Variants in TSC2 observed in about 807,000 individuals in gnomAD.
The protein encoded by TSC2 is tuberin.
TSC2 carries 29 observed loss-of-function variants against 202.2 expected under a neutral mutation model. That is an observed-to-expected ratio of 0.14 (90% CI 0.11 to 0.20). The LOEUF is 0.20. Among genes scored for constraint, TSC2 ranks in the 10% least tolerant of loss-of-function variants. TSC2 has a pLI of 1.00. For missense variants in TSC2, 2,429 were observed against 2,420.0 expected (o/e 1.00, Z -0.08); for synonymous variants, 1,349 against 1,044.0 (o/e 1.29, Z -5.63).
In TSC2 at chr16:2,080,332, C is replaced by T. The variant is rs796053476; in HGVS notation, c.3565C>T (p.Leu1189=). 7.4e-6 allele frequency: 12 copies of T among 1,612,694 alleles called. No homozygotes were observed. Among genetic ancestry groups the T allele is most frequent in the Non-Finnish European group, 9.3e-6 (11 of 1,180,006 alleles). ...GACGAACCTGGCGGCCTATGTGCCC[C>T]TGCTGACCCAGGGCTGGGCGGAGAT... ...EKTNLAAYVP[L]LTQGWAEILV... The change falls in exon 30 of 42, where the codon CTG becomes TTG. Residue 1189 remains leucine, a synonymous_variant. Coordinates refer to ENST00000219476, the MANE Select transcript of TSC2 (RefSeq NM_000548.5).
chr16:2,050,752 C>T lies in TSC2; in HGVS notation c.225+266C>T, dbSNP rs577704854. ...GATTACAGGCACGCGCCACCACACCCGGCTTTTTGTATTTTTAGTAGAGAC... is the reference window on the plus strand; with the variant it reads ...GATTACAGGCACGCGCCACCACACCTGGCTTTTTGTATTTTTAGTAGAGAC... On this transcript the variant is annotated intron_variant, in intron 3 of 41. Coordinates refer to ENST00000219476, the MANE Select transcript of TSC2 (RefSeq NM_000548.5). Among the ~76,000 whole-genome samples, 25 of 151,902 alleles carry T rather than the reference C, an allele frequency of 1.6e-4. No individual in the cohort carries two copies. In the East Asian group the frequency reaches 4.7e-3, roughly 29 times the overall value.
At position 2,076,167 on chromosome 16, in the gene TSC2, T is replaced by C. The variant is rs773285889; in HGVS notation, c.2739T>C (p.Thr913=). 6.2e-7 allele frequency: 1 copy of C among 1,613,414 alleles called. No individual in the cohort carries two copies. Among genetic ancestry groups the C allele is most frequent in the Non-Finnish European group, 8.5e-7 (1 of 1,179,930 alleles). ...GGAAGGATTTTGTCCCTTTCATCAC[T>C]AAGGTGGGCTCAGGGCCGGTGAAGG... The part of the protein sequence containing the change: ...PFRKDFVPFI[T]KGLRSNVLLS... The change falls in exon 24 of 42, where the codon ACT becomes ACC. Residue 913 remains threonine, a synonymous_variant. Coordinates refer to ENST00000219476, the MANE Select transcript of TSC2 (RefSeq NM_000548.5).
Position 2,088,333 on chromosome 16 carries a change from A to T in TSC2, c.5259+8A>T. On this transcript the variant is annotated splice_region_variant and intron_variant, in intron 41 of 41. Coordinates refer to ENST00000219476, the MANE Select transcript of TSC2 (RefSeq NM_000548.5). Reference sequence around the variant, plus strand: ...AAGCGGCTCCGCCAGCGGGTAGGGAATATGGGGCTCCCTCAGCGGGGTGTG... The same window carrying T: ...AAGCGGCTCCGCCAGCGGGTAGGGATTATGGGGCTCCCTCAGCGGGGTGTG... 2.5e-6 allele frequency: 4 copies of T among 1,612,566 alleles called. No homozygotes were observed. The highest frequency in any genetic ancestry group is 3.4e-6 in the Non-Finnish European group (4 of 1,179,966).
chr16:2,075,489 T>C (rs35809681), intron 22 of TSC2, among the ~76,000 whole-genome samples: 18,563 of 130,680 alleles, frequency 0.14, 1,430 homozygotes, highest in African/African-American at 0.23. Flanking sequence ...ATCGCGCCAC[T>C]GCACTCCAGC....
intron 9 of TSC2, among the ~76,000 whole-genome samples, chr16:2,057,427 G>A (rs1174750069): frequency 6.6e-6 from 1 of 152,108 alleles, no homozygotes; most frequent in Non-Finnish European, 1.5e-5. Flanking sequence ...GTCCTCCAGC[G>A]GTGCTCCCCA....
chr16:2,048,359 G>A, intron 1 of TSC2: 1 of 877,406 alleles, frequency 1.1e-6, no homozygotes, highest in Non-Finnish European at 1.9e-6. Context: ...GGGGCGGGCG[G>A]CAGCGTCTGA....
At chr16:2,084,094 C>T (rs2151518228) in intron 33 of TSC2, 134 bp from the exon 34 acceptor site, 4 of 1,483,870 alleles carry the variant, frequency 2.7e-6, no homozygotes, top group Non-Finnish European at 3.6e-6. Flanking sequence ...CGGGCGGGGG[C>T]CGTAGCCTGG....
intron 31 of TSC2, chr16:2,082,165 G>A (rs1448910524): frequency 1.0e-5 from 6 of 595,466 alleles, no homozygotes; most frequent in East Asian, 2.8e-5. Context: ...CACCCCACTC[G>A]GCACCGTGCT....
rs1306044216 is a variant in TSC2 at position 2,072,237 on chromosome 16, G to C, written c.2098-4G>C. 1.2e-6 allele frequency: 2 copies of C among 1,613,918 alleles called. No individual in the cohort carries two copies. On this transcript the variant is annotated splice_polypyrimidine_tract_variant and splice_region_variant and intron_variant, in intron 19 of 41. Transcript: ENST00000219476. ...CCCTGTCCTGACGCCTCCTCTCCTC[G>C]CAGGAGTCTGACTGGAAGGTGCTGA...
intron 17 of TSC2, among the ~76,000 whole-genome samples, chr16:2,070,988 G>A (rs941940773): frequency 6.6e-6 from 1 of 151,994 alleles, no homozygotes; most frequent in Non-Finnish European, 1.5e-5. Flanking sequence ...GAGCTGAGAG[G>A]GCAGGGCAGG....
At chr16:2,081,546 G>A in intron 30 of TSC2, 49 bp from the exon 31 acceptor site, 1 of 1,611,038 alleles carries the variant, frequency 6.2e-7, no homozygotes, top group East Asian at 2.2e-5. Flanking sequence ...GCCAGAGATG[G>A]GTAAGGGGAG....
rs1379120681 is a variant in TSC2 at position 2,086,165 on chromosome 16, C to T, written c.4663-28C>T. 1.1e-5 allele frequency: 18 copies of T among 1,611,710 alleles called. No individual in the cohort carries two copies. The African/African-American group carries it at 1.5e-4, about 13-fold the overall frequency. On this transcript the variant is annotated intron_variant, in intron 36 of 41. Coordinates refer to ENST00000219476, the MANE Select transcript of TSC2 (RefSeq NM_000548.5). ...GGCAGGGCCCGGCCCGGGAGTGATG[C>T]CACCCTGCCTCTCCCCTCTCCCCAC...
Position 2,060,819 on chromosome 16 carries a change from G to C in TSC2, c.1119+6G>C, listed in dbSNP as rs397515305. 20 of 1,613,216 alleles carry C rather than the reference G, an allele frequency of 1.2e-5. No individual in the cohort carries two copies. The East Asian group carries it at 2.2e-4, about 18-fold the overall frequency. ...GGCTCCTTCAGCAGCTCCAGGTGGG[G>C]TGGGGGCAGGAGCTCCGGGGAGCAC... On this transcript the variant is annotated splice_donor_region_variant and intron_variant, in intron 11 of 41. Transcript: ENST00000219476.
intron 26 of TSC2, chr16:2,078,229 A>C (rs1419735037): frequency 5.3e-6 from 1 of 188,268 alleles, no homozygotes; most frequent in Non-Finnish European, 1.1e-5. Flanking sequence ...GCCCCAGGCC[A>C]TGGTCTTAGT....
In TSC2 at chr16:2,055,288, T is replaced by C. The variant is rs77037371; in HGVS notation, c.482-114T>C. 3.9e-3 allele frequency: 3,300 copies of C among 846,576 alleles called. 64 individuals are homozygous for C. In the African/African-American group the frequency reaches 0.043, roughly 11 times the overall value. 52.4% of individuals were successfully genotyped at this position (846,576 alleles called of 1,614,324 possible). A position where few individuals can be genotyped will look rare whatever the true frequency, so the allele number is the denominator to read the frequency against. ...CTGTCTGTTGCTGCCGGGGGACTGATGATGGGGTTTCTGGCAGTGACGGGT... is the reference window on the plus strand; with the variant it reads ...CTGTCTGTTGCTGCCGGGGGACTGACGATGGGGTTTCTGGCAGTGACGGGT... On this transcript the variant is annotated intron_variant, in intron 5 of 41. Coordinates refer to ENST00000219476, the MANE Select transcript of TSC2 (RefSeq NM_000548.5).
At position 2,085,245 on chromosome 16, in the gene TSC2, C is replaced by T. The variant is rs1051502900; in HGVS notation, c.4585C>T (p.Arg1529Trp). The change falls in exon 36 of 42, where the codon CGG becomes TGG. Residue 1529 changes from arginine to tryptophan, a missense_variant. Arg to Trp is a moderately radical substitution (Grantham distance 101). Transcript: ENST00000219476. Reference sequence around the variant, plus strand: ...TGTGCCACAGTCACAGTCCTTTGAGCGGTCGGTGCAGCTCCTCGACCAGAT... The same window carrying T: ...TGTGCCACAGTCACAGTCCTTTGAGTGGTCGGTGCAGCTCCTCGACCAGAT... Reference protein sequence around the residue: ...LLPNESQSFERSVQLLDQIPS... With the variant: ...LLPNESQSFEWSVQLLDQIPS... The T allele has an allele frequency of 1.5e-5, 24 of 1,612,612 alleles. No homozygotes were observed. The highest frequency in any genetic ancestry group is 4.0e-5 in the African/African-American group (3 of 74,930).
In TSC2 at chr16:2,079,066, G is replaced by A. The variant is rs1306166474; in HGVS notation, c.3001G>A (p.Gly1001Arg). ...IQTSLTSASLGSADENSVAQA... is the reference protein window; with the variant it reads ...IQTSLTSASLRSADENSVAQA... ...GACGTCCCTCACCAGTGCCAGCTTG[G>A]GGTCTGCAGATGAGAACTCCGTGGC... Residue 1001 changes from glycine to arginine, a missense_variant, in exon 27 of 42, where the codon GGG becomes AGG. Gly to Arg is a moderately radical substitution (Grantham distance 125). Coordinates refer to ENST00000219476, the MANE Select transcript of TSC2 (RefSeq NM_000548.5). This position sits in a 1 kb window ranked among gnomAD's most constrained non-coding sequence, Gnocchi z 4.6. 1 of 1,612,920 alleles carries A rather than the reference G, an allele frequency of 6.2e-7. No homozygotes were observed. The highest frequency in any genetic ancestry group is 8.5e-7 in the Non-Finnish European group (1 of 1,180,016).
At chr16:2,064,735 G>A in intron 15 of TSC2, 1 of 489,078 alleles carries the variant, frequency 2.0e-6, no homozygotes, top group Non-Finnish European at 3.8e-6. Context: ...TCCCTGCCCA[G>A]CCAACAGCTT....
chr16:2,082,807 A>G (rs948004575), intron 32 of TSC2: 2 of 522,780 alleles, frequency 3.8e-6, no homozygotes, highest in Non-Finnish European at 7.0e-6. Context: ...TGAGCTGCAG[A>G]CTCTGATGGG....
Sources: allele counts gnomAD v4.1 joint callset (sites outside exome capture counted in the v4.1 genomes callset), GRCh38; gene constraint gnomAD v4.1.1; non-coding constraint Gnocchi (gnomAD v3.1); transcripts MANE v1.5; gene names NCBI Gene and HGNC (gene_info 2026-07-23, HGNC 2026-07-21).